The following ABCC1 variants were observed in gnomAD, a reference collection of about 807,000 sequenced individuals.
The protein encoded by ABCC1 is multidrug resistance-associated protein 1.
A neutral mutation model predicts 172.9 loss-of-function variants in ABCC1; 83 were observed. The observed-to-expected ratio is 0.48, with a 90% CI of 0.40 to 0.58. The LOEUF (loss-of-function observed/expected upper bound fraction) is 0.58, where lower values mean the gene tolerates loss of function less well. ABCC1 is among the 20% of genes least tolerant of loss of function. The probability of loss-of-function intolerance (pLI) is 0.00; values close to 1 mark genes in which losing one functional copy is unlikely to be tolerated. For missense variants in ABCC1, 1,817 were observed against 2,002.7 expected (o/e 0.91, Z 1.77); for synonymous variants, 937 against 825.2 (o/e 1.14, Z -2.32).
chr16:16,117,427 A>G (rs535211324), intron 23 of ABCC1, among the ~76,000 whole-genome samples: 9 of 152,322 alleles, frequency 5.9e-5, no homozygotes, highest in Admixed American at 4.6e-4. Flanking sequence ...TAAGGGAACT[A>G]CAATTCAAGA....
intron 23 of ABCC1, among the ~76,000 whole-genome samples, chr16:16,117,457 C>G (rs1287377048): frequency 6.6e-6 from 1 of 152,170 alleles, no homozygotes; most frequent in Non-Finnish European, 1.5e-5. Flanking sequence ...GGTGGGGACA[C>G]AGCCAAACCA....
In ABCC1 at chr16:16,026,464, CCTT is replaced by C. The variant is rs1202012503; in HGVS notation, c.616-6644_616-6642del. On this transcript the variant is annotated intron_variant, in intron 5 of 30. Transcript: ENST00000399410. ...AAAAAAAAAAAAAAAAAGGCTATTT[CCTT>C]TTTTTTTTTTTTTTTTTTTTTGCCA... Among the ~76,000 whole-genome samples the C allele has an allele frequency of 7.5e-4, 77 of 102,292 alleles. 1 individual carries two copies. The highest frequency in any genetic ancestry group is 3.2e-4 in the Non-Finnish European group (17 of 52,796). 67.1% of individuals were successfully genotyped at this position (102,292 alleles called of 152,430 possible). A position where few individuals can be genotyped will look rare whatever the true frequency, so the allele number is the denominator to read the frequency against.
At chr16:15,981,901 AATC>A in intron 1 of ABCC1, among the ~76,000 whole-genome samples, 1 of 152,242 alleles carries the variant, frequency 6.6e-6, no homozygotes, top group Middle Eastern at 3.4e-3. Context: ...TTCTTCTGAC[AATC>A]ATCTAAATCA....
intron 1 of ABCC1, among the ~76,000 whole-genome samples, chr16:16,006,198 A>T (rs562360957): frequency 6.6e-6 from 1 of 152,268 alleles, no homozygotes; most frequent in East Asian, 1.9e-4. Flanking sequence ...TTGAGACCCC[A>T]AAAAGGGTAG....
chr16:16,126,396 T>G (rs1027857968), intron 26 of ABCC1, among the ~76,000 whole-genome samples: 42 of 152,174 alleles, frequency 2.8e-4, no homozygotes, highest in Non-Finnish European at 4.9e-4. Flanking sequence ...TTTGGTTTTT[T>G]TGTGTGTGTG....
chr16:16,004,099 A>G (rs1407243259), intron 1 of ABCC1, among the ~76,000 whole-genome samples: 3 of 152,086 alleles, frequency 2.0e-5, no homozygotes, highest in Admixed American at 6.6e-5. Context: ...GTGTACATAG[A>G]TAATTCTCTG....
intron 1 of ABCC1, among the ~76,000 whole-genome samples, chr16:15,999,808 T>TCTCTCTCTCTCC (rs1567298814): frequency 8.4e-5 from 1 of 11,894 alleles, no homozygotes. Context: ...TCTCTCTCTC[T>TCTCTCTCTCTCC]CCTCTCTCTC....
At chr16:16,127,492 C>A (rs1312748584) in intron 26 of ABCC1, among the ~76,000 whole-genome samples, 1 of 152,186 alleles carries the variant, frequency 6.6e-6, no homozygotes, top group Non-Finnish European at 1.5e-5. Context: ...AGCCACCATG[C>A]CCAGCCCAGC....
intron 1 of ABCC1, among the ~76,000 whole-genome samples, chr16:15,996,019 CTT>C (rs1269003106): frequency 2.3e-5 from 3 of 130,490 alleles, no homozygotes; most frequent in Non-Finnish European, 4.7e-5. Context: ...CAGTCTCACT[CTT>C]TTGTCCAGGC....
chr16:15,967,971 C>G (rs1040580004), intron 1 of ABCC1, among the ~76,000 whole-genome samples: 2 of 152,016 alleles, frequency 1.3e-5, no homozygotes, highest in African/African-American at 4.8e-5. Context: ...ATAAGGGGTA[C>G]AGTATAGAAT....
rs1278435720 is a variant in ABCC1 at position 16,041,540 on chromosome 16, A to G, written c.810-2910A>G. On this transcript the variant is annotated intron_variant, in intron 7 of 30. Transcript: ENST00000399410. ...GATCGCTTGCTTTATTCCCAGAGGC[A>G]TAAGCCAGATCTGGCACCTGTAACC... Among the ~76,000 whole-genome samples, 4 of 152,248 alleles carry G rather than the reference A, an allele frequency of 2.6e-5. 1 individual carries two copies. The South Asian group carries it at 6.2e-4, about 24-fold the overall frequency.
chr16:15,951,753 G>A (rs1299756218), intron 1 of ABCC1, among the ~76,000 whole-genome samples: 3 of 151,732 alleles, frequency 2.0e-5, no homozygotes, highest in Non-Finnish European at 4.4e-5. Context: ...GCAGTGGCAC[G>A]ATCTCAGCTT....
chr16:16,134,430 A>C lies in ABCC1; in HGVS notation c.4047A>C (p.Gly1349=), dbSNP rs773111897. 1 of 1,614,130 alleles carries C rather than the reference A, an allele frequency of 6.2e-7. No individual in the cohort carries two copies. The highest frequency in any genetic ancestry group is 8.5e-7 in the Non-Finnish European group (1 of 1,180,024). Residue 1349 remains glycine (G), a synonymous_variant, in exon 28 of 31, where the codon GGA becomes GGC. Coordinates refer to ENST00000399410, the MANE Select transcript of ABCC1 (RefSeq NM_004996.4). The part of the protein sequence containing the change: ...GLFRINESAE[G]EIIIDGINIA... Reference sequence around the variant, plus strand: ...TTCGGATCAACGAGTCTGCCGAAGGAGAGATCATCATCGATGGCATCAACA... The same window carrying C: ...TTCGGATCAACGAGTCTGCCGAAGGCGAGATCATCATCGATGGCATCAACA...
At chr16:16,106,717 C>T in intron 20 of ABCC1, 21 bp from the exon 21 acceptor site, 2 of 1,613,792 alleles carry the variant, frequency 1.2e-6, no homozygotes, top group Non-Finnish European at 1.7e-6. Flanking sequence ...CGGTTGACAC[C>T]CTTGTGCTTT....
intron 1 of ABCC1, among the ~76,000 whole-genome samples, chr16:15,965,482 C>T (rs570485187): frequency 2.6e-5 from 4 of 152,064 alleles, no homozygotes; most frequent in African/African-American, 7.2e-5. Flanking sequence ...TTAGTAGAGA[C>T]GGAGTTTCAC....
intron 20 of ABCC1, among the ~76,000 whole-genome samples, chr16:16,104,674 C>T (rs2051982533): frequency 6.6e-6 from 1 of 152,224 alleles, no homozygotes; most frequent in Non-Finnish European, 1.5e-5. Context: ...GCCCTCACTC[C>T]TCAGCCCTTG....
intron 26 of ABCC1, among the ~76,000 whole-genome samples, chr16:16,129,315 A>C (rs2045577999): frequency 6.6e-6 from 1 of 152,112 alleles, no homozygotes; most frequent in Non-Finnish European, 1.5e-5. Context: ...TGCTGAGCAG[A>C]GCAACTTGCC....
In ABCC1 at chr16:16,111,409, C is replaced by T. The variant is rs1024727052; in HGVS notation, c.2906C>T (p.Ala969Val). 6.2e-7 allele frequency: 1 copy of T among 1,613,956 alleles called. No homozygotes were observed. Residue 969 changes from alanine (A) to valine (V), a missense_variant, in exon 22 of 31, where the codon GCC becomes GTC. Coordinates refer to ENST00000399410, the MANE Select transcript of ABCC1 (RefSeq NM_004996.4). ...TCCGTGTACTGGGACTACATGAAGG[C>T]CATCGGACTCTTCATCTCCTTCCTC... ...KLSVYWDYMK[A>V]IGLFISFLSI... is the part of the protein sequence containing the mutation.
chr16:16,135,433 TA>T (rs1176814684), intron 28 of ABCC1, among the ~76,000 whole-genome samples: 3 of 152,232 alleles, frequency 2.0e-5, no homozygotes, highest in South Asian at 4.1e-4. Flanking sequence ...TGGTGAGAAA[TA>T]AGGATTTTCT....
Sources: allele counts gnomAD v4.1 joint callset (sites outside exome capture counted in the v4.1 genomes callset), GRCh38; gene constraint gnomAD v4.1.1; transcripts MANE v1.5; gene names NCBI Gene and HGNC (gene_info 2026-07-23, HGNC 2026-07-21).